HYCC1: variants seen among roughly 807,000 people sequenced by gnomAD.
HYCC1 encodes the protein hyccin.
At chr7:22,919,631 T>C in the HYCC1 span, among the ~76,000 whole-genome samples, 1 of 150,630 alleles carries the variant, frequency 6.6e-6, no homozygotes, top group African/African-American at 2.4e-5. Context: ...ATAATGGAAA[T>C]ACTGGAATTG....
At chr7:22,987,711 C>A in the HYCC1 span, among the ~76,000 whole-genome samples, 1 of 151,796 alleles carries the variant, frequency 6.6e-6, no homozygotes, top group Admixed American at 6.6e-5. Flanking sequence ...AGCTAAAAAT[C>A]ATCTTCATAA....
the HYCC1 span, among the ~76,000 whole-genome samples, chr7:22,972,333 G>T: frequency 1.3e-5 from 2 of 152,188 alleles, no homozygotes; most frequent in Non-Finnish European, 2.9e-5. Flanking sequence ...AGGAGAGGCA[G>T]GGATTCATTA....
the HYCC1 span, among the ~76,000 whole-genome samples, chr7:22,921,845 C>T: frequency 3.8e-4 from 58 of 152,010 alleles, no homozygotes; most frequent in African/African-American, 1.4e-3. Context: ...GAAAAAAATC[C>T]ATGTACAAGT....
chr7:22,898,025 G>C, the HYCC1 span, among the ~76,000 whole-genome samples: 1 of 151,874 alleles, frequency 6.6e-6, no homozygotes, highest in Non-Finnish European at 1.5e-5. Flanking sequence ...GATATTGCTT[G>C]AGGGATTCCA....
At chr7:22,989,402 C>G in the HYCC1 span, among the ~76,000 whole-genome samples, 98 of 152,262 alleles carry the variant, frequency 6.4e-4, 1 homozygote, top group South Asian at 0.015. Flanking sequence ...GACTGGACAG[C>G]AGTGGTGCCA....
chr7:22,961,815 T>C, the HYCC1 span, among the ~76,000 whole-genome samples: 1 of 151,988 alleles, frequency 6.6e-6, no homozygotes, highest in East Asian at 1.9e-4. Flanking sequence ...GCAGAGCAAC[T>C]TGAGGGAAAA....
At chr7:22,896,032 C>T in the HYCC1 span, among the ~76,000 whole-genome samples, 6 of 152,246 alleles carry the variant, frequency 3.9e-5, 1 homozygote, top group Admixed American at 2.6e-4. Context: ...CAATTAAGAT[C>T]GTATTTAAAT....
chr7:22,960,415 C>G, the HYCC1 span: 1 of 1,611,060 alleles, frequency 6.2e-7, no homozygotes, highest in Non-Finnish European at 8.5e-7. Flanking sequence ...GCATTAGCAA[C>G]CTAAGGAGAA....
the HYCC1 span, among the ~76,000 whole-genome samples, chr7:22,996,921 A>G: frequency 6.6e-6 from 1 of 152,178 alleles, no homozygotes; most frequent in South Asian, 2.1e-4. Flanking sequence ...TAAAAACTTT[A>G]TTCTTCTCAA....
At chr7:22,901,229 A>G in the HYCC1 span, among the ~76,000 whole-genome samples, 3 of 147,312 alleles carry the variant, frequency 2.0e-5, no homozygotes, top group Non-Finnish European at 4.5e-5. Flanking sequence ...CTCAAAAAAA[A>G]AAAAAAAAAA....
At chr7:22,988,833 A>G in the HYCC1 span, among the ~76,000 whole-genome samples, 6 of 152,124 alleles carry the variant, frequency 3.9e-5, no homozygotes, top group African/African-American at 1.2e-4. Flanking sequence ...CAATCTACCA[A>G]TGTAACTACT....
At chr7:22,923,257 AT>A in the HYCC1 span, among the ~76,000 whole-genome samples, 1 of 152,208 alleles carries the variant, frequency 6.6e-6, no homozygotes, top group South Asian at 2.1e-4. Flanking sequence ...ACAGAAAGGA[AT>A]GTGGGAAATT....
At chr7:22,916,694 G>A in the HYCC1 span, among the ~76,000 whole-genome samples, 23 of 151,884 alleles carry the variant, frequency 1.5e-4, no homozygotes, top group South Asian at 6.2e-4. Context: ...CACCCTGATC[G>A]CACTTGGTTT....
chr7:22,908,222 T>C, the HYCC1 span, among the ~76,000 whole-genome samples: 2 of 152,352 alleles, frequency 1.3e-5, no homozygotes, highest in East Asian at 3.9e-4. Context: ...AAAGGTCATT[T>C]GACAAATTTC....
chr7:22,976,557 T>C, the HYCC1 span: 3 of 710,334 alleles, frequency 4.2e-6, no homozygotes, highest in East Asian at 5.4e-5. Flanking sequence ...AGATCTGTTT[T>C]TCTCTTGTAT....
At chr7:22,903,866 T>C in the HYCC1 span, among the ~76,000 whole-genome samples, 4 of 152,164 alleles carry the variant, frequency 2.6e-5, no homozygotes, top group Non-Finnish European at 5.9e-5. Context: ...GGACAACCAC[T>C]GGATAAAGGA....
At chr7:23,014,099 C>A in the HYCC1 span, 3 of 470,136 alleles carry the variant, frequency 6.4e-6, no homozygotes, top group Admixed American at 7.0e-5. Flanking sequence ...GACAACCCAG[C>A]CGGGAGAGCC....
the HYCC1 span, among the ~76,000 whole-genome samples, chr7:23,013,538 C>G: frequency 6.6e-6 from 1 of 152,144 alleles, no homozygotes; most frequent in East Asian, 1.9e-4. Context: ...CAGGCCCACC[C>G]GGCAGAGGGG....
chr7:22,997,325 C>T, the HYCC1 span, among the ~76,000 whole-genome samples: 1 of 152,080 alleles, frequency 6.6e-6, no homozygotes, highest in Non-Finnish European at 1.5e-5. Flanking sequence ...CACCATTAAG[C>T]ACTAACGACA....
Sources: gnomAD v4.1 joint callset for allele counts (sites outside exome capture counted in the v4.1 genomes callset) on GRCh38, gnomAD v4.1.1 for gene constraint, MANE v1.5 for transcripts, NCBI Gene and HGNC (gene_info 2026-07-23, HGNC 2026-07-21) for gene names.